The following ZPLD1 variants were observed in gnomAD, a reference collection of about 807,000 sequenced individuals.
ZPLD1 encodes zona pellucida-like domain-containing protein 1.
Under a neutral mutation model 47.2 loss-of-function variants are expected in ZPLD1, and 34 were observed. The ratio of observed to expected loss-of-function variants is 0.72; its 90% confidence interval spans 0.55 to 0.96. ZPLD1 has a LOEUF of 0.96. ZPLD1 is among the 40% of genes least tolerant of loss of function. The pLI, the probability that ZPLD1 is intolerant of heterozygous loss-of-function variation, is 0.00. For missense variants in ZPLD1, 512 were observed against 505.8 expected, an observed-to-expected ratio of 1.01 and a Z score of -0.12; for synonymous variants, 176 against 186.2, an observed-to-expected ratio of 0.95 and a Z score of 0.45.
chr3:102,477,560 A>G lies in ZPLD1; in HGVS notation c.1190A>G (p.His397Arg). 3 of 1,613,728 alleles carry G rather than the reference A, an allele frequency of 1.9e-6. No homozygotes were observed. The highest frequency in any genetic ancestry group is 1.7e-5 in the Admixed American group (1 of 60,004). The change falls in exon 12 of 12, where the codon CAC (histidine) becomes CGC (arginine). Residue 397 changes from histidine to arginine, a missense_variant. By Grantham distance (29) the His-to-Arg change is conservative. Transcript: ENST00000466937. ...CTTCTGTGCTCACTGGCCCTTCTGC[A>G]CAGGAAGGGACCCACAAGTTTAGTG... ...SLLLCSLALL[H>R]RKGPTSLVLN...
chr3:102,473,398 C>T (rs184624264), intron 10 of ZPLD1, among the ~76,000 whole-genome samples: 18 of 152,242 alleles, frequency 1.2e-4, no homozygotes, highest in Admixed American at 1.1e-3. Context: ...ATCACAATGC[C>T]TCTGATGTCA....
chr3:102,435,809 A>AT (rs1707082361), intron 1 of ZPLD1, among the ~76,000 whole-genome samples: 1 of 151,592 alleles, frequency 6.6e-6, no homozygotes, highest in Non-Finnish European at 1.5e-5. Context: ...CGCCCGGCTA[A>AT]TTTTTTGTAT....
chr3:102,426,815 A>G (rs931118155), intron 8 of ZPLD1, among the ~76,000 whole-genome samples: 9 of 152,218 alleles, frequency 5.9e-5, no homozygotes, highest in South Asian at 2.1e-4. Context: ...CAAAAGTATC[A>G]TATTTTGTGG....
intron 7 of ZPLD1, among the ~76,000 whole-genome samples, chr3:102,398,629 C>A (rs1437013287): frequency 6.6e-6 from 1 of 152,082 alleles, no homozygotes; most frequent in African/African-American, 2.4e-5. Context: ...CAGGGTTCTT[C>A]CCATTTTTAA....
At chr3:102,441,603 G>C (rs1321076238) in intron 3 of ZPLD1, among the ~76,000 whole-genome samples, 4 of 152,078 alleles carry the variant, frequency 2.6e-5, no homozygotes, top group Non-Finnish European at 4.4e-5. Flanking sequence ...TCTCTGCCTA[G>C]GTAGTAGAGA....
intron 4 of ZPLD1, among the ~76,000 whole-genome samples, chr3:102,455,410 T>C (rs1385479895): frequency 6.6e-6 from 1 of 152,226 alleles, no homozygotes; most frequent in Non-Finnish European, 1.5e-5. Flanking sequence ...ACAACATTTT[T>C]ACATAACTTC....
At position 102,453,042 on chromosome 3, in the gene ZPLD1, C is replaced by T; in HGVS notation, c.230C>T (p.Ser77Phe). 1 of 1,614,064 alleles carries T rather than the reference C, an allele frequency of 6.2e-7. No individual in the cohort carries two copies. Among genetic ancestry groups the T allele is most frequent in the East Asian group, 2.2e-5 (1 of 44,870 alleles). Residue 77 changes from serine to phenylalanine, a missense_variant, in exon 4 of 12, where the codon TCC becomes TTC. Ser to Phe is a radical substitution (Grantham distance 155). Coordinates refer to ENST00000466937, the MANE Select transcript of ZPLD1 (RefSeq NM_001329788.2). ...DLALNGRHGD[S>F]HCRGFINNNT... ...GCACTGAATGGAAGGCATGGGGACT[C>T]CCACTGCAGAGGGTTCATCAATAAC...
intron 7 of ZPLD1, among the ~76,000 whole-genome samples, chr3:102,403,291 T>A (rs1298064888): frequency 1.3e-5 from 2 of 151,974 alleles, no homozygotes; most frequent in African/African-American, 4.8e-5. Context: ...GGCATGGTGG[T>A]TAGGTTTTAT....
intron 8 of ZPLD1, among the ~76,000 whole-genome samples, chr3:102,428,514 T>G (rs1706977461): frequency 6.6e-6 from 1 of 152,084 alleles, no homozygotes. Flanking sequence ...AATTTTTAAG[T>G]GGCCTTTGAA....
At chr3:102,409,280 G>A (rs141680065) in intron 7 of ZPLD1, among the ~76,000 whole-genome samples, 12 of 151,890 alleles carry the variant, frequency 7.9e-5, no homozygotes, top group Middle Eastern at 3.4e-3. Context: ...TCCACCATTT[G>A]GCTAAGATAA....
chr3:102,395,279 A>AAT (rs1706544572), intron 7 of ZPLD1, among the ~76,000 whole-genome samples: 1 of 152,116 alleles, frequency 6.6e-6, no homozygotes, highest in African/African-American at 2.4e-5. Context: ...CATATATAAA[A>AAT]ATATATATAC....
At chr3:102,425,051 A>G (rs1367908029) in intron 8 of ZPLD1, among the ~76,000 whole-genome samples, 1 of 152,038 alleles carries the variant, frequency 6.6e-6, no homozygotes, top group Admixed American at 6.6e-5. Context: ...AAGAAAGCTA[A>G]TTTATTTAGA....
intron 8 of ZPLD1, among the ~76,000 whole-genome samples, chr3:102,420,049 A>C (rs1706858488): frequency 6.6e-6 from 1 of 151,916 alleles, no homozygotes; most frequent in Non-Finnish European, 1.5e-5. Flanking sequence ...ATGATAAAGC[A>C]CTAGACTGAG....
At chr3:102,415,525 A>T (rs1295668172) in intron 7 of ZPLD1, among the ~76,000 whole-genome samples, 2 of 151,886 alleles carry the variant, frequency 1.3e-5, no homozygotes, top group Admixed American at 6.6e-5. Flanking sequence ...AACTTCATGA[A>T]GCATAGGGGT....
intron 2 of ZPLD1, among the ~76,000 whole-genome samples, chr3:102,437,921 T>A (rs1234373783): frequency 6.6e-6 from 1 of 152,216 alleles, no homozygotes; most frequent in African/African-American, 2.4e-5. Context: ...CCTAAGAAAA[T>A]GACACACAAA....
intron 8 of ZPLD1, among the ~76,000 whole-genome samples, chr3:102,426,782 T>C (rs899462256): frequency 3.9e-5 from 6 of 152,238 alleles, no homozygotes; most frequent in Admixed American, 3.3e-4. Flanking sequence ...CTAAAACTTT[T>C]GTGGATGTGA....
intron 3 of ZPLD1, among the ~76,000 whole-genome samples, chr3:102,450,656 A>C (rs185494196): frequency 6.6e-6 from 1 of 152,284 alleles, no homozygotes; most frequent in East Asian, 1.9e-4. Flanking sequence ...CGACTGGATT[A>C]ATATATTAAC....
intron 3 of ZPLD1, among the ~76,000 whole-genome samples, chr3:102,451,890 T>C (rs541951368): frequency 6.6e-6 from 1 of 152,240 alleles, no homozygotes; most frequent in South Asian, 2.1e-4. Flanking sequence ...CTTACCTAAT[T>C]TAATCTGCAA....
chr3:102,453,360 CA>C (rs1707368502), intron 4 of ZPLD1, among the ~76,000 whole-genome samples: 5 of 152,200 alleles, frequency 3.3e-5, no homozygotes, highest in Admixed American at 2.6e-4. Context: ...GGTCTGAGGT[CA>C]GCTGTGCCCC....
Sources: allele counts gnomAD v4.1 joint callset (sites outside exome capture counted in the v4.1 genomes callset), GRCh38; gene constraint gnomAD v4.1.1; transcripts MANE v1.5; gene names NCBI Gene and HGNC (gene_info 2026-07-23, HGNC 2026-07-21).